The following DCDC2 variants were observed in gnomAD, a reference collection of about 807,000 sequenced individuals.
The protein encoded by DCDC2 is doublecortin domain containing 2.
In DCDC2, 40 loss-of-function variants were observed where a neutral mutation model predicts 50.2. That is an observed-to-expected ratio of 0.80 (90% CI 0.62 to 1.04). DCDC2 has a LOEUF of 1.04. DCDC2 is among the 50% of genes least tolerant of loss of function. The pLI, the probability that DCDC2 is intolerant of heterozygous loss-of-function variation, is 0.00. For synonymous variants in DCDC2, 234 were observed against 210.6 expected, an observed-to-expected ratio of 1.11 and a Z score of -0.96; for missense variants, 570 against 581.9, an observed-to-expected ratio of 0.98 and a Z score of 0.21.
At position 24,290,926 on chromosome 6, in the gene DCDC2, A is replaced by G. The variant is rs779147188; in HGVS notation, c.704+6T>C. The G allele has an allele frequency of 8.1e-6, 13 of 1,613,014 alleles. No homozygotes were observed. In the East Asian group the frequency reaches 2.9e-4, roughly 36 times the overall value. ...AGCATGAGGAGTGGTAAGGAGTAAG[A>G]CTTACCCAAAAGGCCTTCTCATCGT... On this transcript the variant is annotated splice_donor_region_variant and intron_variant, in intron 5 of 9. Coordinates refer to ENST00000378454, the MANE Select transcript of DCDC2 (RefSeq NM_016356.5).
intron 8 of DCDC2, among the ~76,000 whole-genome samples, chr6:24,178,978 T>C (rs867445713): frequency 6.6e-6 from 1 of 151,926 alleles, no homozygotes; most frequent in East Asian, 1.9e-4. Flanking sequence ...CCATGGCAGA[T>C]AGAAAGCCAA....
chr6:24,240,998 G>T (rs1175298674), intron 7 of DCDC2, among the ~76,000 whole-genome samples: 1 of 152,198 alleles, frequency 6.6e-6, no homozygotes, highest in Non-Finnish European at 1.5e-5. Context: ...GAAGTAATTT[G>T]TGCAGGCTTC....
intron 9 of DCDC2, 83 bp downstream of exon 9, chr6:24,178,247 A>T (rs1159265201): frequency 2.1e-6 from 3 of 1,410,758 alleles, no homozygotes; most frequent in African/African-American, 1.4e-5. Context: ...AGTCCTAAAC[A>T]CTTGATTAAT....
intron 2 of DCDC2, among the ~76,000 whole-genome samples, chr6:24,337,412 T>A (rs761644511): frequency 6.6e-6 from 1 of 152,096 alleles, no homozygotes; most frequent in Non-Finnish European, 1.5e-5. Context: ...TAGGGAATAT[T>A]TGCAAAGCCA....
At chr6:24,342,131 A>G (rs1338454535) in intron 2 of DCDC2, among the ~76,000 whole-genome samples, 1 of 152,144 alleles carries the variant, frequency 6.6e-6, no homozygotes, top group Non-Finnish European at 1.5e-5. Flanking sequence ...TATTCCTTTA[A>G]TGCATCTTTG....
intron 2 of DCDC2, among the ~76,000 whole-genome samples, chr6:24,344,716 A>ACG (rs1760224201): frequency 6.6e-6 from 1 of 152,240 alleles, no homozygotes; most frequent in Non-Finnish European, 1.5e-5. Context: ...ACGCATCCAT[A>ACG]CACATCCATA....
intron 7 of DCDC2, among the ~76,000 whole-genome samples, chr6:24,272,055 A>G (rs571839525): frequency 1.1e-4 from 16 of 152,322 alleles, no homozygotes; most frequent in African/African-American, 3.4e-4. Context: ...TATAGTGAAC[A>G]AAGTGTTTAA....
upstream of DCDC2, among the ~76,000 whole-genome samples, chr6:24,362,214 T>C (rs988815361): frequency 6.6e-6 from 1 of 150,914 alleles, no homozygotes; most frequent in African/African-American, 2.4e-5. Flanking sequence ...ATTTTTTATT[T>C]AATTGCATAT....
At chr6:24,213,155 ATAATCCATATTT>A (rs1761907860) in intron 7 of DCDC2, among the ~76,000 whole-genome samples, 1 of 152,216 alleles carries the variant, frequency 6.6e-6, no homozygotes, top group Non-Finnish European at 1.5e-5. Flanking sequence ...AAATGGTATC[ATAATCCATATTT>A]TAATATATTT....
In DCDC2 at chr6:24,205,071, C is replaced by T. The variant is rs140084657; in HGVS notation, c.954G>A (p.Arg318=). The T allele has an allele frequency of 1.1e-5, 18 of 1,614,016 alleles. No homozygotes were observed. In the African/African-American group the frequency reaches 2.3e-4, roughly 20 times the overall value. The change falls in exon 8 of 10, where the codon AGG becomes AGA. Residue 318 remains arginine (R), a synonymous_variant. Coordinates refer to ENST00000378454, the MANE Select transcript of DCDC2 (RefSeq NM_016356.5). ...DEGIFKAGAE[R]SETRGAAEVQ... is the part of the protein sequence containing the mutation. ...CTTCTGCTGCCCCCCGTGTTTCAGACCTCTCTGCTCCAGCTTTGAAAATGC... is the reference window on the plus strand; with the variant it reads ...CTTCTGCTGCCCCCCGTGTTTCAGATCTCTCTGCTCCAGCTTTGAAAATGC...
At chr6:24,317,629 G>A (rs1759695499) in intron 2 of DCDC2, among the ~76,000 whole-genome samples, 1 of 151,906 alleles carries the variant, frequency 6.6e-6, no homozygotes, top group African/African-American at 2.4e-5. Flanking sequence ...GAGGCAATAA[G>A]CTGGATAAAT....
At position 24,357,705 on chromosome 6, in the gene DCDC2, C is replaced by G. The variant is rs1282757211; in HGVS notation, c.46G>C (p.Val16Leu). 9.9e-6 allele frequency: 16 copies of G among 1,613,162 alleles called. No homozygotes were observed. The highest frequency in any genetic ancestry group is 1.4e-5 in the Non-Finnish European group (16 of 1,179,962). The change falls in exon 1 of 10, where the codon GTG becomes CTG. Residue 16 changes from valine (V) to leucine (L), a missense_variant. Physicochemically the swap from Val to Leu is conservative, Grantham distance 32 (BLOSUM62 1). Transcript: ENST00000378454. ...ARSSHLSQPV[V>L]KSVLVYRNGD... ...TTGCGGTACACAAGCACGCTCTTCACGACGGGCTGAGACAGGTGGCTGGAC... is the reference window on the plus strand; with the variant it reads ...TTGCGGTACACAAGCACGCTCTTCAGGACGGGCTGAGACAGGTGGCTGGAC...
the DCDC2 span, among the ~76,000 whole-genome samples, chr6:24,370,002 C>A: frequency 6.6e-6 from 1 of 152,026 alleles, no homozygotes; most frequent in East Asian, 1.9e-4. Context: ...TGAGATCACA[C>A]CACTGCCCTG....
At chr6:24,220,059 T>A (rs897961737) in intron 7 of DCDC2, among the ~76,000 whole-genome samples, 1 of 152,170 alleles carries the variant, frequency 6.6e-6, no homozygotes, top group Non-Finnish European at 1.5e-5. Context: ...GAAAGTGAAA[T>A]ATAAGGCTAC....
At chr6:24,296,501 A>G (rs993037883) in intron 4 of DCDC2, among the ~76,000 whole-genome samples, 2 of 152,224 alleles carry the variant, frequency 1.3e-5, no homozygotes, top group Non-Finnish European at 2.9e-5. Flanking sequence ...GCTTCTGCAC[A>G]TCAAAAGAAA....
At chr6:24,288,647 T>A (rs1763670526) in intron 6 of DCDC2, among the ~76,000 whole-genome samples, 1 of 152,112 alleles carries the variant, frequency 6.6e-6, no homozygotes, top group Non-Finnish European at 1.5e-5. Context: ...AAGGAAAAAA[T>A]TTTAAAATAC....
chr6:24,236,280 C>T (rs1332445345), intron 7 of DCDC2, among the ~76,000 whole-genome samples: 1 of 151,824 alleles, frequency 6.6e-6, no homozygotes. Flanking sequence ...TAAAGCTGCA[C>T]ACCTATAGCC....
At chr6:24,228,435 T>G (rs187290119) in intron 7 of DCDC2, among the ~76,000 whole-genome samples, 2 of 152,282 alleles carry the variant, frequency 1.3e-5, no homozygotes, top group African/African-American at 4.8e-5. Flanking sequence ...TTATTTTGAG[T>G]TTTTTCTCAA....
intron 2 of DCDC2, among the ~76,000 whole-genome samples, chr6:24,346,712 C>G (rs901521739): frequency 2.0e-5 from 3 of 151,524 alleles, no homozygotes; most frequent in African/African-American, 7.3e-5. Flanking sequence ...CGAGATCATA[C>G]CATTGCACTC....
Sources: gnomAD v4.1 joint callset for allele counts (sites outside exome capture counted in the v4.1 genomes callset) on GRCh38, gnomAD v4.1.1 for gene constraint, MANE v1.5 for transcripts, NCBI Gene and HGNC (gene_info 2026-07-23, HGNC 2026-07-21) for gene names.